The following TMEM117 variants were observed in gnomAD, a reference collection of about 807,000 sequenced individuals.
TMEM117 encodes transmembrane protein 117.
In TMEM117, 27 loss-of-function variants were observed where a neutral mutation model predicts 52.4. The observed-to-expected ratio is 0.51, with a 90% confidence interval of 0.38 to 0.71. The LOEUF (loss-of-function observed/expected upper bound fraction) is 0.71. Ranked by LOEUF, TMEM117 falls within the 30% of genes least tolerant of loss-of-function variation. The pLI is 0.00. For synonymous variants in TMEM117, 215 were observed against 206.3 expected (o/e 1.04, Z -0.36); for missense variants, 556 against 630.5 (o/e 0.88, Z 1.26).
chr12:44,360,436 G>A (rs962841523), intron 6 of TMEM117, among the ~76,000 whole-genome samples: 1 of 151,882 alleles, frequency 6.6e-6, no homozygotes, highest in African/African-American at 2.4e-5. Flanking sequence ...TTAGCCGGGT[G>A]TGGTGGTGTA....
intron 3 of TMEM117, among the ~76,000 whole-genome samples, chr12:43,958,860 GCA>G (rs1945352261): frequency 6.6e-6 from 1 of 152,120 alleles, no homozygotes; most frequent in African/African-American, 2.4e-5. Context: ...TGGCTGGAGT[GCA>G]GTGGCGGGAT....
At chr12:44,220,703 G>A (rs748555866) in intron 5 of TMEM117, among the ~76,000 whole-genome samples, 1 of 152,064 alleles carries the variant, frequency 6.6e-6, no homozygotes, top group Non-Finnish European at 1.5e-5. Flanking sequence ...AGATGATCCT[G>A]CAGCATCGTG....
chr12:44,291,384 T>TG (rs1565679740), intron 5 of TMEM117, among the ~76,000 whole-genome samples: 7 of 149,652 alleles, frequency 4.7e-5, no homozygotes, highest in South Asian at 2.1e-4. Context: ...GTTTTTTTTT[T>TG]TTTTTTTTTT....
chr12:44,152,832 T>C (rs1221159528), intron 4 of TMEM117, among the ~76,000 whole-genome samples: 1 of 143,512 alleles, frequency 7.0e-6, no homozygotes, highest in African/African-American at 2.5e-5. Flanking sequence ...AATGTATATA[T>C]TGTATTTATA....
Position 44,120,858 on chromosome 12 carries a change from C to G in TMEM117, c.411-22667C>G, listed in dbSNP as rs1274192780. Among the ~76,000 whole-genome samples the G allele has an allele frequency of 3.3e-5, 5 of 152,286 alleles. No individual in the cohort carries two copies. In the East Asian group the frequency reaches 7.7e-4, roughly 24 times the overall value. On this transcript the variant is annotated intron_variant, in intron 3 of 7. Transcript: ENST00000266534. The stretch of plus-strand genomic sequence containing the variant: ...CATCCCCTTCATCTGTGGAGGCCAC[C>G]TGTTCACAAGTAATGAGTCATTTCA...
intron 3 of TMEM117, among the ~76,000 whole-genome samples, chr12:44,079,965 C>A (rs1218727587): frequency 6.7e-6 from 1 of 149,496 alleles, no homozygotes; most frequent in African/African-American, 2.5e-5. Flanking sequence ...TTGTAGTGCA[C>A]CGAGATGATG....
At chr12:43,816,641 G>A in the TMEM117 span, among the ~76,000 whole-genome samples, 3 of 152,164 alleles carry the variant, frequency 2.0e-5, no homozygotes, top group Non-Finnish European at 4.4e-5. Context: ...GAAACTAGCT[G>A]CAAAGAAAGA....
intron 2 of TMEM117, among the ~76,000 whole-genome samples, chr12:43,876,295 C>T (rs1355515002): frequency 2.0e-5 from 3 of 152,118 alleles, no homozygotes; most frequent in African/African-American, 7.2e-5. Flanking sequence ...TCTGTTGTTT[C>T]CTAGAGTTGA....
Position 44,376,590 on chromosome 12 carries a change from G to T in TMEM117, c.769-5G>T. On this transcript the variant is annotated splice_region_variant and splice_polypyrimidine_tract_variant and intron_variant, in intron 6 of 7. Transcript: ENST00000266534. ...CAAATGTTTTTATTTGATTTTCTCT[G>T]ACAGGACTGGGAATTCCCACATTTC... The T allele has an allele frequency of 1.3e-6, 2 of 1,596,400 alleles. No homozygotes were observed. Among genetic ancestry groups the T allele is most frequent in the South Asian group, 2.3e-5 (2 of 87,316 alleles).
chr12:44,279,613 A>G (rs1950554084), intron 5 of TMEM117, among the ~76,000 whole-genome samples: 1 of 151,384 alleles, frequency 6.6e-6, no homozygotes, highest in Non-Finnish European at 1.5e-5. Context: ...TCCCAGGTTC[A>G]AGCCATTCTC....
In TMEM117 at chr12:44,250,288, A is replaced by G. The variant is rs182866568; in HGVS notation, c.608+38901A>G. On this transcript the variant is annotated intron_variant, in intron 5 of 7. Coordinates refer to ENST00000266534, the MANE Select transcript of TMEM117 (RefSeq NM_032256.3). Reference sequence around the variant, plus strand: ...AAATGCGAATCAAAACCACAGTGAAATACCAGTTCGCACCAGTCACAATGG... The same window carrying G: ...AAATGCGAATCAAAACCACAGTGAAGTACCAGTTCGCACCAGTCACAATGG... Among the ~76,000 whole-genome samples the G allele has an allele frequency of 7.9e-5, 12 of 152,358 alleles. No individual in the cohort carries two copies. In the East Asian group the frequency reaches 1.7e-3, roughly 22 times the overall value.
intron 2 of TMEM117, among the ~76,000 whole-genome samples, chr12:43,852,122 C>G (rs1429615060): frequency 6.7e-6 from 1 of 149,980 alleles, no homozygotes; most frequent in Non-Finnish European, 1.5e-5. Context: ...CATGGTGAAA[C>G]CCTGTCTGTA....
chr12:44,338,020 A>G (rs1317553804), intron 6 of TMEM117, among the ~76,000 whole-genome samples: 1 of 152,106 alleles, frequency 6.6e-6, no homozygotes, highest in Non-Finnish European at 1.5e-5. Flanking sequence ...AGGATCTTAC[A>G]GGCTTTACGT....
intron 6 of TMEM117, among the ~76,000 whole-genome samples, chr12:44,364,361 A>G (rs1254337237): frequency 6.6e-6 from 1 of 152,106 alleles, no homozygotes; most frequent in Non-Finnish European, 1.5e-5. Context: ...TCAGAACTCC[A>G]CTGTTACTTT....
intron 5 of TMEM117, among the ~76,000 whole-genome samples, chr12:44,269,192 C>A (rs758446749): frequency 2.0e-5 from 3 of 151,954 alleles, no homozygotes; most frequent in Non-Finnish European, 2.9e-5. Flanking sequence ...AATTTTATTA[C>A]TCTAAAAGTA....
intron 4 of TMEM117, among the ~76,000 whole-genome samples, chr12:44,145,710 T>G (rs1948633424): frequency 6.6e-6 from 1 of 152,134 alleles, no homozygotes; most frequent in African/African-American, 2.4e-5. Context: ...ATCCCAGGCC[T>G]GGGGTCCAGA....
the TMEM117 span, among the ~76,000 whole-genome samples, chr12:43,799,841 A>G: frequency 2.0e-4 from 30 of 152,126 alleles, no homozygotes; most frequent in Non-Finnish European, 3.2e-4. Flanking sequence ...ATGATTATCC[A>G]ATAATCAACA....
chr12:44,265,651 A>G (rs2138552232), intron 5 of TMEM117, among the ~76,000 whole-genome samples: 1 of 152,282 alleles, frequency 6.6e-6, no homozygotes, highest in Non-Finnish European at 1.5e-5. Context: ...TATACAATTT[A>G]GTAGCATTTA....
rs73274105 is a variant in TMEM117 at position 44,241,131 on chromosome 12, T to G, written c.608+29744T>G. Among the ~76,000 whole-genome samples, 1,043 of 152,146 alleles carry G rather than the reference T, an allele frequency of 6.9e-3. 15 individuals are homozygous for G. Among genetic ancestry groups the G allele is most frequent in the African/African-American group, 0.024 (997 of 41,560 alleles). ...TACACTCTGAATCATCTCTAGATTA[T>G]GTATAACATCTAATACAATGTAAAA... On this transcript the variant is annotated intron_variant, in intron 5 of 7. Coordinates refer to ENST00000266534, the MANE Select transcript of TMEM117 (RefSeq NM_032256.3).
Sources: gnomAD v4.1 joint callset for allele counts (sites outside exome capture counted in the v4.1 genomes callset) on GRCh38, gnomAD v4.1.1 for gene constraint, MANE v1.5 for transcripts, NCBI Gene and HGNC (gene_info 2026-07-23, HGNC 2026-07-21) for gene names.